The following APPBP2 variants were observed in gnomAD, a reference collection of about 807,000 sequenced individuals.
APPBP2 encodes the protein amyloid protein-binding protein 2.
A neutral mutation model predicts 76.0 loss-of-function variants in APPBP2; 15 were observed. That is an observed-to-expected ratio of 0.20 (90% CI 0.13 to 0.30). APPBP2 has a LOEUF of 0.30. Among genes scored for constraint, APPBP2 ranks in the 10% least tolerant of loss-of-function variants. The pLI is 1.00. For missense variants in APPBP2, 401 were observed against 687.2 expected, an observed-to-expected ratio of 0.58 and a Z score of 4.66; for synonymous variants, 222 against 242.2, an observed-to-expected ratio of 0.92 and a Z score of 0.77.
At chr17:60,509,659 G>A (rs944686103) in intron 1 of APPBP2, among the ~76,000 whole-genome samples, 5 of 152,004 alleles carry the variant, frequency 3.3e-5, no homozygotes, top group South Asian at 2.1e-4. Context: ...AAAATTAGCC[G>A]GGCGTGGTGG....
At chr17:60,496,927 G>A (rs1001628836) in intron 2 of APPBP2, among the ~76,000 whole-genome samples, 7 of 151,932 alleles carry the variant, frequency 4.6e-5, no homozygotes, top group African/African-American at 1.7e-4. Context: ...CAGCATGTTG[G>A]CCAGGCTGGT....
At chr17:60,523,384 C>T (rs904697886) in intron 1 of APPBP2, among the ~76,000 whole-genome samples, 2 of 152,046 alleles carry the variant, frequency 1.3e-5, no homozygotes, top group African/African-American at 4.8e-5. Flanking sequence ...GTAGTTCCAG[C>T]TACTCAGGAG....
At chr17:60,461,735 T>C in intron 8 of APPBP2, 75 bp downstream of exon 8, 1 of 1,133,164 alleles carries the variant, frequency 8.8e-7, no homozygotes, top group Non-Finnish European at 1.3e-6. Flanking sequence ...TTTAGAGTGG[T>C]TTATACACCA....
At chr17:60,453,341 G>T (rs1310492663) in intron 11 of APPBP2, among the ~76,000 whole-genome samples, 3 of 151,728 alleles carry the variant, frequency 2.0e-5, no homozygotes, top group Non-Finnish European at 2.9e-5. Context: ...ATGCCACCAT[G>T]CCTGGCTAAT....
At chr17:60,499,919 G>A (rs1385492403) in intron 2 of APPBP2, among the ~76,000 whole-genome samples, 1 of 152,092 alleles carries the variant, frequency 6.6e-6, no homozygotes, top group Non-Finnish European at 1.5e-5. Flanking sequence ...GAGAGAATGG[G>A]GAGTTACTAT....
At chr17:60,495,420 A>T (rs945529202) in intron 2 of APPBP2, among the ~76,000 whole-genome samples, 3 of 145,514 alleles carry the variant, frequency 2.1e-5, no homozygotes, top group Admixed American at 6.8e-5. Context: ...TAGAATTTTT[A>T]AAAATATTTT....
At chr17:60,492,636 C>T (rs1289970286) in intron 3 of APPBP2, among the ~76,000 whole-genome samples, 1 of 152,118 alleles carries the variant, frequency 6.6e-6, no homozygotes, top group Non-Finnish European at 1.5e-5. Flanking sequence ...TGCATGGGGC[C>T]TTTAGCTCCT....
chr17:60,447,560 T>C lies in APPBP2; in HGVS notation c.*21A>G, dbSNP rs763937040. The C allele has an allele frequency of 1.8e-5, 28 of 1,581,118 alleles. No homozygotes were observed. The Admixed American group carries it at 1.9e-4, about 10-fold the overall frequency. On this transcript the variant is annotated 3_prime_UTR_variant, in exon 13 of 13. Coordinates refer to ENST00000083182, the MANE Select transcript of APPBP2 (RefSeq NM_006380.5). ...TTCCCTGGAATCCGGGAAAAGGTAA[T>C]TGGTTAACTGAGGTCCTCCCTCAGC... is the stretch of plus-strand genomic sequence containing the variant.
At chr17:60,519,457 T>A (rs9903303) in intron 1 of APPBP2, among the ~76,000 whole-genome samples, 27,078 of 150,846 alleles carry the variant, frequency 0.18, 7,907 homozygotes, top group African/African-American at 0.62. Flanking sequence ...AAAAAAAAAA[T>A]TTTTAAGGTT....
At chr17:60,457,988 C>T (rs1724587210) in intron 9 of APPBP2, among the ~76,000 whole-genome samples, 1 of 134,112 alleles carries the variant, frequency 7.5e-6, no homozygotes, top group South Asian at 2.1e-4. Flanking sequence ...TAGATAACAT[C>T]AATTTATGTT....
intron 1 of APPBP2, among the ~76,000 whole-genome samples, chr17:60,518,266 T>C (rs1441315740): frequency 6.6e-6 from 1 of 152,058 alleles, no homozygotes; most frequent in Non-Finnish European, 1.5e-5. Flanking sequence ...AGGCTAGTCT[T>C]GAACTCTTAG....
chr17:60,516,272 C>T (rs1226272044), intron 1 of APPBP2, among the ~76,000 whole-genome samples: 8 of 152,038 alleles, frequency 5.3e-5, no homozygotes, highest in Admixed American at 2.6e-4. Flanking sequence ...AACAAACATC[C>T]CATTAGTTAA....
intron 2 of APPBP2, chr17:60,496,332 T>C (rs991401984): frequency 6.6e-6 from 1 of 152,220 alleles, no homozygotes; most frequent in Non-Finnish European, 1.5e-5. Context: ...TTAAACAAAA[T>C]TGTAAGAGTC....
rs1406053707 is a variant in APPBP2 at position 60,526,119 on chromosome 17, G to A, written c.-188C>T. On this transcript the variant is annotated 5_prime_UTR_variant, in exon 1 of 13. Coordinates refer to ENST00000083182, the MANE Select transcript of APPBP2 (RefSeq NM_006380.5). ...CTGAGGGACGGCGGCAGCGGACGCA[G>A]GCCCGAGTAAAAAGTGGGACAGAAA... is the stretch of plus-strand genomic sequence containing the variant. 7.5e-5 allele frequency: 45 copies of A among 601,974 alleles called. No homozygotes were observed. In the East Asian group the frequency reaches 1.2e-3, roughly 16 times the overall value. 37.3% of individuals were successfully genotyped at this position (601,974 alleles called of 1,614,324 possible).
chr17:60,460,481 G>T, intron 9 of APPBP2, 182 bp downstream of exon 9: 2 of 508,574 alleles, frequency 3.9e-6, no homozygotes, highest in Non-Finnish European at 6.0e-6. Context: ...CTGAAAACTG[G>T]TATGATTTTA....
chr17:60,452,074 T>A (rs376089888), intron 11 of APPBP2, 29 bp from the exon 12 acceptor site: 2 of 1,605,234 alleles, frequency 1.2e-6, no homozygotes, highest in South Asian at 2.2e-5. Flanking sequence ...ATATCAATCA[T>A]TATACTTTTT....
intron 1 of APPBP2, among the ~76,000 whole-genome samples, chr17:60,524,068 G>A (rs941603261): frequency 6.6e-6 from 1 of 152,156 alleles, no homozygotes; most frequent in Admixed American, 6.5e-5. Context: ...AGAAGTAAAA[G>A]TGTACCAAAA....
rs2090343265 is a variant in APPBP2 at position 60,445,975 on chromosome 17, A to G, written c.*1606T>C. 6.6e-6 allele frequency: 1 copy of G among 152,190 alleles called. No individual in the cohort carries two copies. The highest frequency in any genetic ancestry group is 2.1e-4 in the South Asian group (1 of 4,828). 9.4% of individuals were successfully genotyped at this position (152,190 alleles called of 1,614,324 possible). On this transcript the variant is annotated 3_prime_UTR_variant, in exon 13 of 13. Coordinates refer to ENST00000083182, the MANE Select transcript of APPBP2 (RefSeq NM_006380.5). The stretch of plus-strand genomic sequence containing the variant: ...GGAAGTTCAAAAAAGTGCTTAAAAT[A>G]TTAATAAAATTTGAAATCTACAACT...
chr17:60,480,732 C>T (rs1329281274), intron 3 of APPBP2, among the ~76,000 whole-genome samples: 3 of 152,134 alleles, frequency 2.0e-5, no homozygotes, highest in Non-Finnish European at 2.9e-5. Flanking sequence ...GCTTCAAACC[C>T]ATACTACTAG....
Sources: gnomAD v4.1 joint callset for allele counts (sites outside exome capture counted in the v4.1 genomes callset) on GRCh38, gnomAD v4.1.1 for gene constraint, MANE v1.5 for transcripts, NCBI Gene and HGNC (gene_info 2026-07-23, HGNC 2026-07-21) for gene names.